The following MYH2 variants were observed in gnomAD, a reference collection of about 807,000 sequenced individuals.
MYH2 encodes the protein myosin-2.
MYH2 carries 139 observed loss-of-function variants against 228.1 expected under a neutral mutation model. That is an observed-to-expected ratio of 0.61 (90% CI 0.53 to 0.70). The LOEUF (loss-of-function observed/expected upper bound fraction) is 0.70. Among genes scored for constraint, MYH2 ranks in the 30% least tolerant of loss-of-function variants. MYH2 has a pLI of 0.00. For synonymous variants in MYH2, 796 were observed against 871.1 expected (o/e 0.91, Z 1.52); for missense variants, 1,809 against 2,357.5 (o/e 0.77, Z 4.82).
chr17:10,526,902 CAT>C, intron 29 of MYH2, 34 bp downstream of exon 29: 1 of 1,612,952 alleles, frequency 6.2e-7, no homozygotes, highest in Non-Finnish European at 8.5e-7. Flanking sequence ...AGAATCAGCT[CAT>C]GAGGGAAAAA....
At position 10,525,737 on chromosome 17, in the gene MYH2, CA is replaced by C; in HGVS notation, c.4326del (p.Asn1442LysfsTer49). On this transcript the variant is annotated frameshift_variant, in exon 31 of 40. Transcript: ENST00000245503. LOFTEE classifies it high-confidence loss of function. The surrounding 1 kb of genome is among the most constrained non-coding windows in gnomAD (Gnocchi z 4.2). ...EDLMLDVERT[N>X]AACAALDKKQ... is the part of the protein sequence containing the mutation. ...TTTTTGTCAAGGGCGGCACAGGCGG[CA>C]TTTGTCCTCTCCACATCAAGCATGA... The C allele has an allele frequency of 6.2e-7, 1 of 1,614,212 alleles. No homozygotes were observed.
intron 30 of MYH2, 119 bp downstream of exon 30, chr17:10,526,480 G>T: frequency 1.3e-6 from 2 of 1,484,520 alleles, no homozygotes; most frequent in Non-Finnish European, 1.9e-6. Flanking sequence ...GATTGTGACT[G>T]GCACATAAAA....
At chr17:10,527,089 G>T in intron 28 of MYH2, 33 bp from the exon 29 acceptor site, 1 of 1,587,668 alleles carries the variant, frequency 6.3e-7, no homozygotes, top group Non-Finnish European at 8.6e-7. Flanking sequence ...CCATTTTTTA[G>T]GTGAAAAACA....
chr17:10,534,284 G>T (rs1461900152), intron 19 of MYH2, among the ~76,000 whole-genome samples: 1 of 152,190 alleles, frequency 6.6e-6, no homozygotes, highest in Non-Finnish European at 1.5e-5. Flanking sequence ...GGGAGAAAAA[G>T]ACGAACATAG....
chr17:10,546,958 G>A (rs1426114573), intron 4 of MYH2, among the ~76,000 whole-genome samples: 1 of 151,772 alleles, frequency 6.6e-6, no homozygotes, highest in Admixed American at 6.6e-5. Context: ...GGGCATGGTG[G>A]CACATGCCTG....
chr17:10,528,586 A>G, intron 27 of MYH2, 104 bp downstream of exon 27: 1 of 1,528,576 alleles, frequency 6.5e-7, no homozygotes, highest in Non-Finnish European at 9.0e-7. Flanking sequence ...TCCCTGAATT[A>G]CTGCAGTTAA....
At chr17:10,539,382 A>G (rs773299016) in intron 13 of MYH2, 28 bp from the exon 14 acceptor site, 60 of 1,614,074 alleles carry the variant, frequency 3.7e-5, no homozygotes, top group Non-Finnish European at 5.0e-5. Context: ...TAACTCTCGA[A>G]GTTATTAAAG....
rs1407686539 is a variant in MYH2, at chr17:10,529,172, T to A, written c.3344A>T (p.Lys1115Ile). The change falls in exon 26 of 40, where the codon AAA becomes ATA. Residue 1115 changes from lysine (K) to isoleucine (I), a missense_variant. Lys to Ile is a moderately radical substitution (Grantham distance 102). Around this residue, in one of 9 missense-constraint regions of MYH2, gnomAD observed 636 missense variants for 729.9 expected, o/e 0.87. Transcript: ENST00000245503. ...ALGIQLQKKI[K>I]ELQARIEELE... ...AAATCATGTACTTACTTGCAATTCT[T>A]TAATTTTCTTCTGCAATTGAATGCC... The A allele has an allele frequency of 6.2e-7, 1 of 1,614,224 alleles. No individual in the cohort carries two copies. Among genetic ancestry groups the A allele is most frequent in the Non-Finnish European group, 8.5e-7 (1 of 1,180,048 alleles).
At chr17:10,544,794 TCTAA>T (rs1173208714) in intron 5 of MYH2, among the ~76,000 whole-genome samples, 1 of 152,196 alleles carries the variant, frequency 6.6e-6, no homozygotes, top group Admixed American at 6.5e-5. Context: ...AGATTCAACA[TCTAA>T]CTGTTTTAAT....
rs369736089 is a variant in MYH2 at position 10,535,761 on chromosome 17, G to A, written c.1975-396C>T. Among the ~76,000 whole-genome samples, 31 of 152,288 alleles carry A rather than the reference G, an allele frequency of 2.0e-4. No homozygotes were observed. In the East Asian group the frequency reaches 4.6e-3, roughly 23 times the overall value. ...ATGGAAGCCTGCACCACATTTGGAC[G>A]TTTTCCTTATAATACAGCTCCTCTT... On this transcript the variant is annotated intron_variant, in intron 17 of 39. Transcript: ENST00000245503.
At chr17:10,546,278 T>TATATA (rs1433204519) in intron 4 of MYH2, among the ~76,000 whole-genome samples, 2 of 121,566 alleles carry the variant, frequency 1.6e-5, no homozygotes, top group African/African-American at 2.9e-5. Flanking sequence ...TATATATATA[T>TATATA]ATATATATAT....
intron 21 of MYH2, among the ~76,000 whole-genome samples, chr17:10,532,504 T>C (rs189038300): frequency 1.7e-3 from 264 of 152,272 alleles, no homozygotes; most frequent in African/African-American, 6.1e-3. Context: ...ATTACCCAAA[T>C]ATATATATAT....
At chr17:10,539,691 T>C in intron 12 of MYH2, 129 bp from the exon 13 acceptor site, 1 of 1,204,266 alleles carries the variant, frequency 8.3e-7, no homozygotes, top group East Asian at 2.5e-5. Flanking sequence ...CCTTACCCAT[T>C]TGTTCATTAA....
rs1387391714 is a variant in MYH2 at position 10,537,624 on chromosome 17, A to G, written c.1587+41T>C. The G allele has an allele frequency of 6.2e-7, 1 of 1,614,228 alleles. No individual in the cohort carries two copies. Among genetic ancestry groups the G allele is most frequent in the African/African-American group, 1.3e-5 (1 of 75,056 alleles). ...ATTAAAATAAAAAGCAGCGAATAAT[A>G]TAGTTGCCGCAAAATATGGTTTCAG... is the stretch of plus-strand genomic sequence containing the variant. On this transcript the variant is annotated intron_variant, in intron 15 of 39. Transcript: ENST00000245503. This position sits in a 1 kb window ranked among gnomAD's most constrained non-coding sequence, Gnocchi z 4.0.
In MYH2 at chr17:10,523,409, G is replaced by A. The variant is rs755265718; in HGVS notation, c.5476C>T (p.Arg1826Trp). Residue 1826 changes from arginine (R) to tryptophan (W), a missense_variant, in exon 38 of 40, where the codon CGG becomes TGG. By Grantham distance (101) the Arg-to-Trp change is moderately radical (BLOSUM62 -3). Transcript: ENST00000245503. ...CTCTCAACCTCTCCTTCCAGCTCCC[G>A]TACCTGCAAATAAGTAGGCTCTTAA... The part of the protein sequence containing the change: ...KQIQKLEARV[R>W]ELEGEVESEQ... 2.7e-5 allele frequency: 44 copies of A among 1,613,956 alleles called. No homozygotes were observed. The highest frequency in any genetic ancestry group is 8.3e-5 in the Admixed American group (5 of 59,988).
chr17:10,538,504 G>A (rs1474901749), intron 14 of MYH2, among the ~76,000 whole-genome samples: 1 of 151,940 alleles, frequency 6.6e-6, no homozygotes, highest in African/African-American at 2.4e-5. Context: ...CATTAGCCGG[G>A]TGTGGTGGCA....
In MYH2 at chr17:10,543,771, G is replaced by A. The variant is rs777517055; in HGVS notation, c.681C>T (p.Asn227=). ...GTLEDQIISA[N]PLLEAFGNAK... is the part of the protein sequence containing the mutation. ...CGTTGCCAAAGGCCTCCAGTAGGGG[G>A]TTGGCACTGATGATTTGATCTTCCA... The change falls in exon 8 of 40, where the codon AAC becomes AAT. Residue 227 remains asparagine (N), a synonymous_variant. Coordinates refer to ENST00000245503, the MANE Select transcript of MYH2 (RefSeq NM_017534.6). The A allele has an allele frequency of 1.2e-6, 2 of 1,614,212 alleles. No homozygotes were observed. The highest frequency in any genetic ancestry group is 1.7e-5 in the Admixed American group (1 of 60,026).
chr17:10,532,266 G>A (rs537616037), intron 21 of MYH2, among the ~76,000 whole-genome samples: 12 of 152,254 alleles, frequency 7.9e-5, no homozygotes, highest in African/African-American at 2.6e-4. Flanking sequence ...AAGCCTTGCT[G>A]TATGTCAGTG....
chr17:10,539,565 A>G lies in MYH2; in HGVS notation c.1148-3T>C, dbSNP rs2073526116. 2.5e-6 allele frequency: 4 copies of G among 1,609,210 alleles called. No individual in the cohort carries two copies. Among genetic ancestry groups the G allele is most frequent in the Non-Finnish European group, 3.4e-6 (4 of 1,175,526 alleles). ...GAGGTAGGCCGCCTTGTCAGCAACT[A>G]AAAAGAAGAAAGAGTAGAACAATGT... On this transcript the variant is annotated splice_polypyrimidine_tract_variant and splice_region_variant and intron_variant, in intron 12 of 39. Transcript: ENST00000245503.
Sources: gnomAD v4.1 joint callset for allele counts (sites outside exome capture counted in the v4.1 genomes callset) on GRCh38, gnomAD v4.1.1 for gene constraint, gnomAD v4.1.1 regional missense constraint, Gnocchi (gnomAD v3.1) non-coding constraint, MANE v1.5 for transcripts, NCBI Gene and HGNC (gene_info 2026-07-23, HGNC 2026-07-21) for gene names.